The following CCDC170 variants were observed in gnomAD, a reference collection of about 807,000 sequenced individuals.
CCDC170 encodes the protein coiled-coil domain containing 170, also known as coiled-coil domain-containing protein 170.
In CCDC170, 69 loss-of-function variants were observed where a neutral mutation model predicts 72.6. The ratio of observed to expected loss-of-function variants is 0.95; its 90% CI spans 0.78 to 1.16. The LOEUF (loss-of-function observed/expected upper bound fraction) is 1.16, where lower values mean the gene tolerates loss of function less well. Ranked by LOEUF, CCDC170 falls within the 50% of genes most tolerant of loss-of-function variation. The pLI is 0.00. For synonymous variants in CCDC170, 300 were observed against 303.9 expected, an observed-to-expected ratio of 0.99 and a Z score of 0.13; for missense variants, 852 against 832.5, an observed-to-expected ratio of 1.02 and a Z score of -0.29.
intron 1 of CCDC170, among the ~76,000 whole-genome samples, chr6:151,513,547 T>C (rs1782178848): frequency 7.2e-6 from 1 of 139,142 alleles, no homozygotes; most frequent in Non-Finnish European, 1.5e-5. Flanking sequence ...GAGGCAGAGG[T>C]TGCAGTAAGC....
intron 1 of CCDC170, among the ~76,000 whole-genome samples, chr6:151,529,644 A>G (rs1208942524): frequency 6.6e-6 from 1 of 152,132 alleles, no homozygotes; most frequent in Non-Finnish European, 1.5e-5. Context: ...TGACAGAGCT[A>G]GGCTCTGTCT....
chr6:151,533,340 C>T (rs538253062), intron 1 of CCDC170, among the ~76,000 whole-genome samples: 6 of 151,874 alleles, frequency 4.0e-5, no homozygotes, highest in East Asian at 2.0e-4. Context: ...AGGTGTGAGC[C>T]GCCGCACCTG....
At chr6:151,599,408 A>T (rs1239664423) in intron 9 of CCDC170, among the ~76,000 whole-genome samples, 1 of 152,164 alleles carries the variant, frequency 6.6e-6, no homozygotes, top group Non-Finnish European at 1.5e-5. Flanking sequence ...ATCAAACAAC[A>T]GTTGTTTGGA....
In CCDC170 at chr6:151,572,661, T is replaced by TTGTTTTTTTC. The variant is rs72341370; in HGVS notation, c.775-512_775-511insGTTTTTTTCT. Among the ~76,000 whole-genome samples the TTGTTTTTTTC allele has an allele frequency of 1.5e-5, 2 of 137,234 alleles. 1 individual carries two copies. Among genetic ancestry groups the TTGTTTTTTTC allele is most frequent in the African/African-American group, 5.6e-5 (2 of 35,736 alleles). 90.0% of individuals were successfully genotyped at this position (137,234 alleles called of 152,430 possible). A position where few individuals can be genotyped will look rare whatever the true frequency, so the allele number is the denominator to read the frequency against. The stretch of plus-strand genomic sequence containing the variant: ...ATCCCTTCTCTGTGTTTTTTTTTTT[T>TTGTTTTTTTC]TTTTTTTTGATGGAGTCTTGTTCTG... On this transcript the variant is annotated intron_variant, in intron 5 of 10. Transcript: ENST00000239374.
chr6:151,585,718 T>C (rs975607073), intron 6 of CCDC170, among the ~76,000 whole-genome samples, 171 bp from the exon 7 acceptor site: 1 of 152,234 alleles, frequency 6.6e-6, no homozygotes, highest in Non-Finnish European at 1.5e-5. Flanking sequence ...AAGTAGATTA[T>C]TTCAAACAGA....
In CCDC170 at chr6:151,618,124, G is replaced by A. The variant is rs1441846234; in HGVS notation, c.2125G>A (p.Gly709Ser). 6.2e-7 allele frequency: 1 copy of A among 1,614,098 alleles called. No homozygotes were observed. The highest frequency in any genetic ancestry group is 8.5e-7 in the Non-Finnish European group (1 of 1,180,020). ...TACTGGGCAAGAGAGGCACCCACAA[G>A]GCCATTTACAGCTTCTTCATTGAAC... ...VTTGQERHPQ[G>S]HLQLLH The change falls in exon 11 of 11, where the codon GGC (glycine) becomes AGC (serine). Residue 709 changes from glycine to serine, a missense_variant. Transcript: ENST00000239374.
chr6:151,518,416 A>G (rs1241421976), intron 1 of CCDC170, among the ~76,000 whole-genome samples: 1 of 152,124 alleles, frequency 6.6e-6, no homozygotes, highest in Non-Finnish European at 1.5e-5. Context: ...AAAAGCATAC[A>G]TTTGTTACCA....
chr6:151,540,877 C>T (rs1782678512), intron 3 of CCDC170, among the ~76,000 whole-genome samples: 1 of 152,152 alleles, frequency 6.6e-6, no homozygotes, highest in African/African-American at 2.4e-5. Flanking sequence ...ACTGTGCCCC[C>T]TGCAGCCAGA....
At chr6:151,575,254 A>G (rs1441056769) in intron 6 of CCDC170, among the ~76,000 whole-genome samples, 1 of 151,990 alleles carries the variant, frequency 6.6e-6, no homozygotes, top group African/African-American at 2.4e-5. Flanking sequence ...GCATTTTACC[A>G]TCTTTTAATG....
chr6:151,563,364 C>A (rs892609077), intron 5 of CCDC170, among the ~76,000 whole-genome samples: 1 of 152,150 alleles, frequency 6.6e-6, no homozygotes, highest in Non-Finnish European at 1.5e-5. Context: ...TCCTTTAGTA[C>A]TTGGCACCTT....
intron 1 of CCDC170, among the ~76,000 whole-genome samples, chr6:151,518,590 G>A (rs1782269751): frequency 7.6e-6 from 1 of 131,764 alleles, no homozygotes; most frequent in Admixed American, 8.0e-5. Context: ...GCTGCTGGCT[G>A]GCTATTTTTA....
rs1383274375 is a variant in CCDC170 at position 151,586,065 on chromosome 6, C to A, written c.1269C>A (p.Asp423Glu). Residue 423 changes from aspartate (D) to glutamate (E), a missense_variant, in exon 7 of 11, where the codon GAC (aspartate) becomes GAA (glutamate). Transcript: ENST00000239374. Reference sequence around the variant, plus strand: ...TGGTTTCTGGAGGTGTTTTGCGAGACAACTTGAATTTTGAGAAACAAAAAG... The same window carrying A: ...TGGTTTCTGGAGGTGTTTTGCGAGAAAACTTGAATTTTGAGAAACAAAAAG... ...AELVSGGVLR[D>E]NLNFEKQKYL... 6.2e-7 allele frequency: 1 copy of A among 1,614,086 alleles called. No individual in the cohort carries two copies. The highest frequency in any genetic ancestry group is 2.2e-5 in the East Asian group (1 of 44,878).
At chr6:151,535,390 T>C (rs1782559416) in intron 1 of CCDC170, among the ~76,000 whole-genome samples, 1 of 152,200 alleles carries the variant, frequency 6.6e-6, no homozygotes, top group African/African-American at 2.4e-5. Flanking sequence ...CCATCTCTCG[T>C]CTCACATGTT....
intron 6 of CCDC170, among the ~76,000 whole-genome samples, chr6:151,577,833 C>T (rs566558973): frequency 6.6e-6 from 1 of 152,290 alleles, no homozygotes; most frequent in East Asian, 1.9e-4. Flanking sequence ...ACTGTGCATG[C>T]GAGGGATCTA....
intron 6 of CCDC170, among the ~76,000 whole-genome samples, chr6:151,583,984 C>T (rs1320974915): frequency 2.0e-5 from 3 of 152,102 alleles, no homozygotes; most frequent in Admixed American, 6.5e-5. Context: ...CAAAGATCTC[C>T]GATCACAGAT....
At chr6:151,612,265 A>G (rs1381298033) in intron 9 of CCDC170, among the ~76,000 whole-genome samples, 2 of 152,180 alleles carry the variant, frequency 1.3e-5, no homozygotes, top group Admixed American at 1.3e-4. Flanking sequence ...GCTCAGCCAC[A>G]GTGAAGATGC....
chr6:151,590,369 C>G (rs180926128), intron 7 of CCDC170, among the ~76,000 whole-genome samples: 238 of 151,908 alleles, frequency 1.6e-3, no homozygotes, highest in Non-Finnish European at 2.7e-3. Context: ...CTTCCCTTCC[C>G]TTACTATAAA....
chr6:151,578,287 C>A (rs373202878), intron 6 of CCDC170, among the ~76,000 whole-genome samples: 1 of 152,132 alleles, frequency 6.6e-6, no homozygotes, highest in East Asian at 1.9e-4. Flanking sequence ...TCTTGCCTCA[C>A]AGTTCTGGAG....
intron 9 of CCDC170, among the ~76,000 whole-genome samples, chr6:151,614,315 C>A (rs1776922480): frequency 6.6e-6 from 1 of 152,246 alleles, no homozygotes; most frequent in Admixed American, 6.5e-5. Flanking sequence ...ATCTTACATA[C>A]AATTCCTATG....
Sources: gnomAD v4.1 joint callset for allele counts (sites outside exome capture counted in the v4.1 genomes callset) on GRCh38, gnomAD v4.1.1 for gene constraint, MANE v1.5 for transcripts, NCBI Gene and HGNC (gene_info 2026-07-23, HGNC 2026-07-21) for gene names.